The following TRIM35 variants were observed in gnomAD, a reference collection of about 807,000 sequenced individuals.
The protein encoded by TRIM35 is tripartite motif containing 35.
Under a neutral mutation model 49.1 loss-of-function variants are expected in TRIM35, and 37 were observed. The ratio of observed to expected loss-of-function variants is 0.75; its 90% CI spans 0.58 to 0.99. The LOEUF is 0.99. Ranked by LOEUF, TRIM35 falls within the 50% of genes least tolerant of loss-of-function variation. TRIM35 has a pLI of 0.00. For synonymous variants in TRIM35, 302 were observed against 289.3 expected (o/e 1.04, Z -0.45); for missense variants, 648 against 702.7 (o/e 0.92, Z 0.88).
At chr8:27,296,884 T>C (rs979371376) in intron 2 of TRIM35, among the ~76,000 whole-genome samples, 1 of 152,266 alleles carries the variant, frequency 6.6e-6, no homozygotes, top group African/African-American at 2.4e-5. Flanking sequence ...CACCAGTTTG[T>C]TGGTCTATTA....
In TRIM35 at chr8:27,286,139, T is replaced by C. The variant is rs1457464129; in HGVS notation, c.*1411A>G. The C allele has an allele frequency of 2.2e-6, 1 of 455,918 alleles. No homozygotes were observed. The highest frequency in any genetic ancestry group is 4.4e-6 in the Non-Finnish European group (1 of 226,902). The allele number at this position is 455,918 out of a possible 1,614,324, so 28.2% of individuals were successfully genotyped here. A position where few individuals can be genotyped will look rare whatever the true frequency, so the allele number is the denominator to read the frequency against. ...GTGACCCAGATTTTAACACTGCTCC[T>C]AGGAAAAAAAAATATTTCCTTTTAT... On this transcript the variant is annotated 3_prime_UTR_variant, in exon 6 of 6. Coordinates refer to ENST00000305364, the MANE Select transcript of TRIM35 (RefSeq NM_171982.5).
At chr8:27,300,292 G>C (rs973202231) in intron 1 of TRIM35, among the ~76,000 whole-genome samples, 1 of 152,226 alleles carries the variant, frequency 6.6e-6, no homozygotes, top group African/African-American at 2.4e-5. Context: ...TGAGGCAGAG[G>C]CACCCAGAGC....
chr8:27,291,512 C>G (rs1802454296), intron 3 of TRIM35, among the ~76,000 whole-genome samples: 3 of 152,168 alleles, frequency 2.0e-5, no homozygotes, highest in Admixed American at 1.3e-4. Context: ...AATAGTTAAA[C>G]CTAGAGTTAC....
chr8:27,311,024 G>C lies in TRIM35; in HGVS notation c.212C>G (p.Thr71Ser). The change falls in exon 1 of 6, where the codon ACC becomes AGC. Residue 71 changes from threonine (T) to serine (S), a missense_variant. Coordinates refer to ENST00000305364, the MANE Select transcript of TRIM35 (RefSeq NM_171982.5). The stretch of plus-strand genomic sequence containing the variant: ...CACCAGGTTGTTGAGGGTGTGGTTG[G>C]TGCGCAGGTCGGCGGGTGACGCGCG... ...KDRASPADLR[T>S]NHTLNNLVEK... is the part of the protein sequence containing the mutation. 6.2e-7 allele frequency: 1 copy of C among 1,609,050 alleles called. No individual in the cohort carries two copies.
chr8:27,308,862 C>T (rs1444568903), intron 1 of TRIM35, among the ~76,000 whole-genome samples: 3 of 152,196 alleles, frequency 2.0e-5, no homozygotes, highest in African/African-American at 7.2e-5. Context: ...GGGTGAGCCA[C>T]CGGCCTCCTG....
intron 1 of TRIM35, among the ~76,000 whole-genome samples, 198 bp downstream of exon 1, chr8:27,310,603 C>T (rs1430399088): frequency 6.6e-6 from 1 of 152,276 alleles, no homozygotes; most frequent in African/African-American, 2.4e-5. Flanking sequence ...ATTCTCTTCT[C>T]CCAGCACGGG....
In TRIM35 at chr8:27,287,580, G is replaced by A. The variant is rs768892486; in HGVS notation, c.1452C>T (p.His484=). The A allele has an allele frequency of 1.9e-6, 3 of 1,598,372 alleles. No homozygotes were observed. The highest frequency in any genetic ancestry group is 1.7e-6 in the Non-Finnish European group (2 of 1,171,928). Reference sequence around the variant, plus strand: ...CATCCAGTTCTTCCTTGACACTGATGTGCAAGGGGCAGATGCGCAAAGGCT... The same window carrying A: ...CATCCAGTTCTTCCTTGACACTGATATGCAAGGGGCAGATGCGCAAAGGCT... ...PPEPLRICPL[H]ISVKEELDG The change falls in exon 6 of 6, where the codon CAC becomes CAT. Residue 484 remains histidine (H), a synonymous_variant. Coordinates refer to ENST00000305364, the MANE Select transcript of TRIM35 (RefSeq NM_171982.5). The surrounding 1 kb of genome is among the most constrained non-coding windows in gnomAD (Gnocchi z 6.0).
rs1802371639 is a variant in TRIM35, at chr8:27,288,000, G to A, written c.1032C>T (p.Cys344=). The stretch of plus-strand genomic sequence containing the variant: ...GTGAGAAGACACGGGAGCCCAGCAG[G>A]CAGGGCGCCGAGGAGAAGCGTTCCG... ...ENPERFSSAP[C]LLGSRVFSQG... is the part of the protein sequence containing the mutation. Residue 344 remains cysteine, a synonymous_variant, in exon 6 of 6, where the codon TGC becomes TGT. Transcript: ENST00000305364. The surrounding 1 kb of genome is among the most constrained non-coding windows in gnomAD (Gnocchi z 6.0). 1 of 1,613,598 alleles carries A rather than the reference G, an allele frequency of 6.2e-7. No homozygotes were observed. Among genetic ancestry groups the A allele is most frequent in the South Asian group, 1.1e-5 (1 of 91,082 alleles).
At position 27,285,966 on chromosome 8, in the gene TRIM35, C is replaced by T. The variant is rs1802309622; in HGVS notation, c.*1584G>A. 2.6e-6 allele frequency: 1 copy of T among 383,174 alleles called. No individual in the cohort carries two copies. The highest frequency in any genetic ancestry group is 2.1e-5 in the African/African-American group (1 of 47,642). The allele number at this position is 383,174 out of a possible 1,614,324, so 23.7% of individuals were successfully genotyped here. The stretch of plus-strand genomic sequence containing the variant: ...CACACTGACATCGCCTACCTGGGCC[C>T]TCCTTGTGGCCTTAAGTTTTATCTA... On this transcript the variant is annotated 3_prime_UTR_variant, in exon 6 of 6. Coordinates refer to ENST00000305364, the MANE Select transcript of TRIM35 (RefSeq NM_171982.5).
chr8:27,294,845 TAA>T (rs1188712142), intron 2 of TRIM35, among the ~76,000 whole-genome samples: 1 of 151,742 alleles, frequency 6.6e-6, no homozygotes, highest in African/African-American at 2.4e-5. Flanking sequence ...TTTTTGAGAC[TAA>T]GTCTCGCTCT....
At chr8:27,292,510 T>C (rs1802475260) in intron 3 of TRIM35, among the ~76,000 whole-genome samples, 1 of 152,250 alleles carries the variant, frequency 6.6e-6, no homozygotes, top group South Asian at 2.1e-4. Context: ...TGAATGATGT[T>C]TCAAAATATG....
At chr8:27,304,656 G>GA (rs1177247888) in intron 1 of TRIM35, 2 of 356,348 alleles carry the variant, frequency 5.6e-6, no homozygotes, top group Non-Finnish European at 1.1e-5. Flanking sequence ...GAGAGACTTT[G>GA]TTTTGTCCCC....
Position 27,310,871 on chromosome 8 carries a change from GAGC to G in TRIM35, c.362_364del (p.Cys121del). 6.2e-7 allele frequency: 1 copy of G among 1,612,616 alleles called. No individual in the cohort carries two copies. Among genetic ancestry groups the G allele is most frequent in the Non-Finnish European group, 8.5e-7 (1 of 1,179,560 alleles). The stretch of plus-strand genomic sequence containing the variant: ...CTGGTGTCGGGGGTCGGCCTGGCAG[GAGC>G]AGCACAGCAGCTCCTTGTCCTCGAG... On this transcript the variant is annotated inframe_deletion, in exon 1 of 6. Transcript: ENST00000305364.
At chr8:27,297,227 GA>G (rs1231325109) in intron 2 of TRIM35, among the ~76,000 whole-genome samples, 4 of 152,196 alleles carry the variant, frequency 2.6e-5, no homozygotes, top group African/African-American at 9.7e-5. Context: ...TGGTGGAGGG[GA>G]CCGCAGGCTC....
chr8:27,288,094 C>G lies in TRIM35; in HGVS notation c.938G>C (p.Gly313Ala). Residue 313 changes from glycine (G) to alanine (A), a missense_variant, in exon 6 of 6, where the codon GGC becomes GCC. Physicochemically the swap from Gly to Ala is moderately conservative, Grantham distance 60. Coordinates refer to ENST00000305364, the MANE Select transcript of TRIM35 (RefSeq NM_171982.5). ...GAGGTCGTCAGACACGGAGAGCCAG[C>G]CAGCTGCGGTGTTGGGGTCAAAGCT... ...PFSFDPNTAA[G>A]WLSVSDDLTS... The G allele has an allele frequency of 6.2e-7, 1 of 1,610,092 alleles. No individual in the cohort carries two copies.
At chr8:27,288,829 A>G (rs6557990) in intron 5 of TRIM35, among the ~76,000 whole-genome samples, 112,744 of 152,126 alleles carry the variant, frequency 0.74, 42,429 homozygotes, top group African/African-American at 0.8. Flanking sequence ...CAGTCGCCTT[A>G]GGAGAGGCAA....
intron 2 of TRIM35, among the ~76,000 whole-genome samples, chr8:27,297,222 G>A (rs1802587771): frequency 6.6e-6 from 1 of 152,210 alleles, no homozygotes; most frequent in Non-Finnish European, 1.5e-5. Context: ...ACACATGGTG[G>A]AGGGGACCGC....
intron 5 of TRIM35, among the ~76,000 whole-genome samples, chr8:27,288,609 A>G (rs1366430004): frequency 6.6e-6 from 1 of 152,064 alleles, no homozygotes; most frequent in Non-Finnish European, 1.5e-5. Context: ...CAACATCTGG[A>G]TTTTGGATTT....
rs1802347863 is a variant in TRIM35, at chr8:27,287,451, G to A, written c.*99C>T. On this transcript the variant is annotated 3_prime_UTR_variant, in exon 6 of 6. Transcript: ENST00000305364. The surrounding 1 kb of genome is among the most constrained non-coding windows in gnomAD (Gnocchi z 6.0). ...AGGACAGGAGGAAGAGCCTGGCAAG[G>A]AGGCAGGGGCGCAATAGTGCCCAAG... 7 of 1,263,638 alleles carry A rather than the reference G, an allele frequency of 5.5e-6. No homozygotes were observed. In the South Asian group the frequency reaches 1.1e-4, roughly 20 times the overall value. 78.3% of individuals were successfully genotyped at this position (1,263,638 alleles called of 1,614,324 possible).
Sources: allele counts gnomAD v4.1 joint callset (sites outside exome capture counted in the v4.1 genomes callset), GRCh38; gene constraint gnomAD v4.1.1; non-coding constraint Gnocchi (gnomAD v3.1); transcripts MANE v1.5; gene names NCBI Gene and HGNC (gene_info 2026-07-23, HGNC 2026-07-21).